Variants in EPHA5 observed in about 807,000 individuals in gnomAD.
EPHA5 encodes EPH receptor A5, also known as ephrin type-A receptor 5.
A neutral mutation model predicts 105.0 loss-of-function variants in EPHA5; 60 were observed. The observed-to-expected ratio is 0.57, with a 90% CI of 0.46 to 0.71. The LOEUF (loss-of-function observed/expected upper bound fraction) is 0.71, where lower values mean the gene tolerates loss of function less well. Ranked by LOEUF, EPHA5 falls within the 30% of genes least tolerant of loss-of-function variation. EPHA5 has a pLI of 0.00. For missense variants in EPHA5, 1,218 were observed against 1,274.7 expected (o/e 0.96, Z 0.68); for synonymous variants, 513 against 449.1 (o/e 1.14, Z -1.80).
chr4:65,364,186 A>G (rs1166234367), intron 11 of EPHA5, among the ~76,000 whole-genome samples: 2 of 151,606 alleles, frequency 1.3e-5, no homozygotes, highest in Non-Finnish European at 3.0e-5. Context: ...CTTTTCCTAC[A>G]TTCCTCTCTG....
rs747090092 is a variant in EPHA5, at chr4:65,322,815, C to CAT, written c.*1297_*1298dup. 217 of 227,084 alleles carry CAT rather than the reference C, an allele frequency of 9.6e-4. No individual in the cohort carries two copies. The highest frequency in any genetic ancestry group is 1.4e-3 in the African/African-American group (63 of 44,890). The allele number at this position is 227,084 out of a possible 1,614,324, so 14.1% of individuals were successfully genotyped here. On this transcript the variant is annotated 3_prime_UTR_variant, in exon 17 of 17. Transcript: ENST00000613740. ...AAATAAAATTCTGAAGGGAAATAAG[C>CAT]ATATATATATATTTGTGTGTGTGTA...
intron 1 of EPHA5, among the ~76,000 whole-genome samples, chr4:65,667,510 A>G (rs181753003): frequency 6.6e-6 from 1 of 152,166 alleles, no homozygotes; most frequent in East Asian, 1.9e-4. Context: ...GTGTAGTCCA[A>G]GTTTTGCTGT....
chr4:65,667,718 C>A (rs1408149482), intron 1 of EPHA5, among the ~76,000 whole-genome samples: 1 of 152,166 alleles, frequency 6.6e-6, no homozygotes, highest in Non-Finnish European at 1.5e-5. Flanking sequence ...GTCACTCTCC[C>A]TGAGAATTGA....
intron 3 of EPHA5, among the ~76,000 whole-genome samples, chr4:65,596,406 C>T (rs1043731703): frequency 2.0e-5 from 3 of 151,896 alleles, no homozygotes; most frequent in African/African-American, 7.3e-5. Context: ...TTCCCACCAA[C>T]AATAATTATC....
At chr4:65,616,314 G>C (rs951170233) in intron 2 of EPHA5, among the ~76,000 whole-genome samples, 6 of 151,820 alleles carry the variant, frequency 4.0e-5, no homozygotes, top group African/African-American at 1.5e-4. Flanking sequence ...AAATATATGA[G>C]AGTGGTCATA....
intron 3 of EPHA5, among the ~76,000 whole-genome samples, chr4:65,539,194 G>A (rs1422592086): frequency 6.6e-6 from 1 of 151,578 alleles, no homozygotes. Context: ...GACTGCCTTG[G>A]AACTGAGATG....
intron 5 of EPHA5, among the ~76,000 whole-genome samples, chr4:65,458,074 A>C (rs527818379): frequency 0.13 from 2,148 of 16,212 alleles, 1 homozygote; most frequent in East Asian, 0.22. Context: ...ACTCCATCCC[A>C]AAAAAAAAAA....
chr4:65,517,472 C>G lies in EPHA5; in HGVS notation c.911-21929G>C, dbSNP rs148493408. On this transcript the variant is annotated intron_variant, in intron 3 of 16. Transcript: ENST00000613740. ...TTGAGTTTTGATTTCTTATTGTACT[C>G]TAATGATCTGCACCTTTTAATTGTA... 5.3e-4 allele frequency among the ~76,000 whole-genome samples: 80 copies of G among 151,894 alleles called. No individual in the cohort carries two copies. In the East Asian group the frequency reaches 0.013, roughly 24 times the overall value.
chr4:65,474,141 G>T (rs1729566174), intron 5 of EPHA5, among the ~76,000 whole-genome samples: 1 of 151,820 alleles, frequency 6.6e-6, no homozygotes. Flanking sequence ...TGCACATTGT[G>T]CACATGTACC....
rs544615649 is a variant in EPHA5 at position 65,365,330 on chromosome 4, CAAAA to C, written c.1988-132_1988-129del. ...ACAAACAAACAAACAAACAAACAAA[CAAAA>C]AGCAGTCAGAAAAGGGTAGTCTACA... On this transcript the variant is annotated intron_variant, in intron 10 of 16. Coordinates refer to ENST00000613740, the MANE Select transcript of EPHA5 (RefSeq NM_001281766.3). 9.7e-5 allele frequency: 74 copies of C among 764,852 alleles called. No individual in the cohort carries two copies. The East Asian group carries it at 1.3e-3, about 14-fold the overall frequency. 47.4% of individuals were successfully genotyped at this position (764,852 alleles called of 1,614,324 possible).
intron 3 of EPHA5, among the ~76,000 whole-genome samples, chr4:65,601,107 A>G (rs1743681141): frequency 6.6e-6 from 1 of 152,224 alleles, no homozygotes; most frequent in Non-Finnish European, 1.5e-5. Flanking sequence ...AATTACAACC[A>G]TAAGTAAACA....
chr4:65,355,157 T>A (rs1291349101), intron 11 of EPHA5, among the ~76,000 whole-genome samples: 1 of 151,594 alleles, frequency 6.6e-6, no homozygotes, highest in Non-Finnish European at 1.5e-5. Context: ...CACATGTCTA[T>A]GCATATTGTC....
In EPHA5 at chr4:65,444,522, T is replaced by C. The variant is rs755328483; in HGVS notation, c.1403-23957A>G. 1.7e-3 allele frequency among the ~76,000 whole-genome samples: 261 copies of C among 152,190 alleles called. 1 individual carries two copies. The highest frequency in any genetic ancestry group is 5.7e-3 in the African/African-American group (237 of 41,516). ...TATCTTGTATATATACCTTGTCTGG[T>C]TTTTCCAACTGAGAGAAATTAAGTT... On this transcript the variant is annotated intron_variant, in intron 5 of 16. Transcript: ENST00000613740.
intron 5 of EPHA5, among the ~76,000 whole-genome samples, chr4:65,487,722 C>A (rs1344798969): frequency 6.6e-6 from 1 of 152,150 alleles, no homozygotes; most frequent in African/African-American, 2.4e-5. Flanking sequence ...TCCCTAGACT[C>A]CTGCCCACCA....
chr4:65,512,788 G>T (rs772805980), intron 3 of EPHA5, among the ~76,000 whole-genome samples: 4 of 151,998 alleles, frequency 2.6e-5, no homozygotes, highest in Non-Finnish European at 5.9e-5. Flanking sequence ...TACAAAGGCC[G>T]TTGTGTTTCA....
chr4:65,499,645 A>G (rs1319951933), intron 3 of EPHA5, among the ~76,000 whole-genome samples: 2 of 151,500 alleles, frequency 1.3e-5, no homozygotes, highest in African/African-American at 2.4e-5. Flanking sequence ...ACAAAATGCT[A>G]GCATAGCCTA....
At chr4:65,450,045 G>C (rs1463352268) in intron 5 of EPHA5, among the ~76,000 whole-genome samples, 1 of 152,096 alleles carries the variant, frequency 6.6e-6, no homozygotes. Flanking sequence ...TATCAACATA[G>C]ATAAACGTTT....
At chr4:65,593,451 G>A (rs758474025) in intron 3 of EPHA5, among the ~76,000 whole-genome samples, 19 of 152,138 alleles carry the variant, frequency 1.2e-4, no homozygotes, top group Non-Finnish European at 2.5e-4. Flanking sequence ...CACTGCAAGA[G>A]TGCTTTCTTT....
At chr4:65,556,034 G>T (rs763196797) in intron 3 of EPHA5, among the ~76,000 whole-genome samples, 1 of 152,004 alleles carries the variant, frequency 6.6e-6, no homozygotes, top group African/African-American at 2.4e-5. Context: ...AGAATATTCC[G>T]ATGCTGATGA....
Sources: allele counts gnomAD v4.1 joint callset (sites outside exome capture counted in the v4.1 genomes callset), GRCh38; gene constraint gnomAD v4.1.1; transcripts MANE v1.5; gene names NCBI Gene and HGNC (gene_info 2026-07-23, HGNC 2026-07-21).